NTMT2: variants seen among roughly 807,000 people sequenced by gnomAD.
NTMT2 encodes the protein N-terminal Xaa-Pro-Lys N-methyltransferase 2, also known as X-Pro-Lys N-terminal protein methyltransferase 1B.
Under a neutral mutation model 23.4 loss-of-function variants are expected in NTMT2, and 21 were observed. That is an observed-to-expected ratio of 0.90 (90% CI 0.64 to 1.29). NTMT2 has a LOEUF of 1.29. Ranked by LOEUF, NTMT2 falls within the 50% of genes most tolerant of loss-of-function variation. NTMT2 has a pLI of 0.00. For missense variants in NTMT2, 336 were observed against 352.0 expected (o/e 0.95, Z 0.36); for synonymous variants, 131 against 127.7 (o/e 1.03, Z -0.17).
At chr1:170,150,921 G>GT (rs1673056294) in intron 1 of NTMT2, among the ~76,000 whole-genome samples, 1 of 152,146 alleles carries the variant, frequency 6.6e-6, no homozygotes, top group Admixed American at 6.5e-5. Context: ...TCCATGTTTA[G>GT]TAACAATCAT....
intron 1 of NTMT2, among the ~76,000 whole-genome samples, chr1:170,150,285 T>C (rs1673043735): frequency 6.6e-6 from 1 of 152,206 alleles, no homozygotes; most frequent in African/African-American, 2.4e-5. Flanking sequence ...ATTCATGGAA[T>C]AGCAAAGACA....
chr1:170,159,855 T>C lies in NTMT2; in HGVS notation c.155-663T>C, dbSNP rs189801469. ...TATTCCTCAGAAGTTGGAACACATA[T>C]TTTTCTTATACATTTTTGAAAATAA... On this transcript the variant is annotated intron_variant, in intron 1 of 3. Coordinates refer to ENST00000439373, the MANE Select transcript of NTMT2 (RefSeq NM_001136107.2). 4.2e-3 allele frequency among the ~76,000 whole-genome samples: 643 copies of C among 152,378 alleles called. 1 individual carries two copies. Among genetic ancestry groups the C allele is most frequent in the Non-Finnish European group, 7.4e-3 (505 of 68,028 alleles).
chr1:170,168,249 A>AAG lies in NTMT2; in HGVS notation c.*493_*494insGA, dbSNP rs1553216913. ...CATTTGTCTACTCAAACAAAAAAAA[A>AAG]AAAAAGAAAAAGAAACAATGCCCAC... On this transcript the variant is annotated 3_prime_UTR_variant, in exon 4 of 4. Transcript: ENST00000439373. Among the ~76,000 whole-genome samples the AAG allele has an allele frequency of 6.6e-6, 1 of 151,400 alleles. No homozygotes were observed. The highest frequency in any genetic ancestry group is 6.6e-5 in the Admixed American group (1 of 15,202).
intron 1 of NTMT2, among the ~76,000 whole-genome samples, chr1:170,152,508 G>A (rs1479377618): frequency 6.6e-6 from 1 of 152,176 alleles, no homozygotes; most frequent in Non-Finnish European, 1.5e-5. Context: ...CTAGCCCTCA[G>A]TTGAAAAGAA....
In NTMT2 at chr1:170,149,422, G is replaced by T. The variant is rs537697547; in HGVS notation, c.154+3161G>T. Among the ~76,000 whole-genome samples, 584 of 152,240 alleles carry T rather than the reference G, an allele frequency of 3.8e-3. 2 individuals are homozygous for T. The highest frequency in any genetic ancestry group is 0.011 in the South Asian group (55 of 4,816). On this transcript the variant is annotated intron_variant, in intron 1 of 3. Transcript: ENST00000439373. ...TAAACTTTGGTTTTTGTCCCAGGAG[G>T]TTATAACTTATATTTATGGAATGCA...
chr1:170,147,961 A>G (rs1362408009), intron 1 of NTMT2, among the ~76,000 whole-genome samples: 1 of 152,116 alleles, frequency 6.6e-6, no homozygotes, highest in African/African-American at 2.4e-5. Flanking sequence ...CTAATGTTTT[A>G]CCAATGAGTT....
In NTMT2 at chr1:170,168,813, C is replaced by A. The variant is rs73023530; in HGVS notation, c.*1056C>A. ...AAGAAATGGACAAGGAAATGATAAC[C>A]CTGAAAATTGACTAGCTGGACATTG... On this transcript the variant is annotated 3_prime_UTR_variant, in exon 4 of 4. Transcript: ENST00000439373. Among the ~76,000 whole-genome samples, 11,953 of 152,106 alleles carry A rather than the reference C, an allele frequency of 0.079. 495 individuals are homozygous for A. Among genetic ancestry groups the A allele is most frequent in the Middle Eastern group, 0.12 (35 of 294 alleles).
intron 1 of NTMT2, among the ~76,000 whole-genome samples, chr1:170,156,187 A>G (rs1272219170): frequency 6.6e-6 from 1 of 152,150 alleles, no homozygotes; most frequent in East Asian, 1.9e-4. Flanking sequence ...TGCTACTTGC[A>G]GGCATCTGCT....
chr1:170,160,438 T>C, intron 1 of NTMT2, 80 bp from the exon 2 acceptor site: 2 of 1,241,236 alleles, frequency 1.6e-6, no homozygotes, highest in Non-Finnish European at 2.1e-6. Context: ...CACAGGCTTT[T>C]AAAAGGAAAT....
Position 170,146,583 on chromosome 1 carries a change from T to C in NTMT2, c.154+322T>C, listed in dbSNP as rs145905597. ...GTTTAATATTTACAAAAAATTGTAATTGGGCAAATTTGATAATTCAAAGAT... is the reference window on the plus strand; with the variant it reads ...GTTTAATATTTACAAAAAATTGTAACTGGGCAAATTTGATAATTCAAAGAT... On this transcript the variant is annotated intron_variant, in intron 1 of 3. Coordinates refer to ENST00000439373, the MANE Select transcript of NTMT2 (RefSeq NM_001136107.2). 4.7e-3 allele frequency among the ~76,000 whole-genome samples: 713 copies of C among 152,298 alleles called. 6 individuals are homozygous for C. Among genetic ancestry groups the C allele is most frequent in the African/African-American group, 0.016 (679 of 41,546 alleles).
At chr1:170,156,737 T>C (rs979232956) in intron 1 of NTMT2, among the ~76,000 whole-genome samples, 1 of 152,070 alleles carries the variant, frequency 6.6e-6, no homozygotes, top group African/African-American at 2.4e-5. Flanking sequence ...ATCTTTTTTT[T>C]TTTTAGTGAA....
chr1:170,146,697 A>C (rs991439731), intron 1 of NTMT2, among the ~76,000 whole-genome samples: 1 of 152,208 alleles, frequency 6.6e-6, no homozygotes, highest in Non-Finnish European at 1.5e-5. Context: ...TTATGTATGT[A>C]TGTTTCTGTG....
intron 1 of NTMT2, among the ~76,000 whole-genome samples, chr1:170,156,835 A>G (rs749822026): frequency 2.0e-5 from 3 of 152,018 alleles, no homozygotes; most frequent in Non-Finnish European, 4.4e-5. Flanking sequence ...TGAGATTGGC[A>G]TTCACTTGTG....
intron 2 of NTMT2, among the ~76,000 whole-genome samples, chr1:170,163,284 C>T (rs1461078656): frequency 1.3e-5 from 2 of 152,120 alleles, no homozygotes; most frequent in Non-Finnish European, 2.9e-5. Flanking sequence ...CTGTAATCTA[C>T]TAGATTAGTA....
At chr1:170,153,864 C>T (rs959900504) in intron 1 of NTMT2, among the ~76,000 whole-genome samples, 2 of 152,130 alleles carry the variant, frequency 1.3e-5, no homozygotes, top group African/African-American at 4.8e-5. Flanking sequence ...ATTTGCATGA[C>T]TAAAAGTGAG....
intron 1 of NTMT2, among the ~76,000 whole-genome samples, chr1:170,156,895 T>A (rs768022686): frequency 6.6e-6 from 1 of 151,938 alleles, no homozygotes; most frequent in African/African-American, 2.4e-5. Context: ...AGATTAAGGG[T>A]TTTAATAGAC....
In NTMT2 at chr1:170,167,659, A is replaced by T; in HGVS notation, c.754A>T (p.Ser252Cys). 4 of 1,551,650 alleles carry T rather than the reference A, an allele frequency of 2.6e-6. No individual in the cohort carries two copies. Among genetic ancestry groups the T allele is most frequent in the Non-Finnish European group, 3.5e-6 (4 of 1,146,980 alleles). The change falls in exon 4 of 4, where the codon AGT (serine) becomes TGT (cysteine). Residue 252 changes from serine (S) to cysteine (C), a missense_variant. Ser to Cys is a moderately radical substitution (Grantham distance 112). Coordinates refer to ENST00000439373, the MANE Select transcript of NTMT2 (RefSeq NM_001136107.2). ...MDILRSLIRK[S>C]GLVVLGQEKQ... ...CATCCTCCGGAGCCTAATAAGGAAG[A>T]GTGGGCTGGTGGTGCTGGGCCAGGA...
intron 2 of NTMT2, among the ~76,000 whole-genome samples, chr1:170,161,171 C>T (rs982558572): frequency 5.3e-5 from 8 of 151,794 alleles, no homozygotes; most frequent in South Asian, 2.1e-4. Context: ...TGGTGGCGGG[C>T]GCCTGTAGTC....
chr1:170,166,395 C>A, intron 2 of NTMT2, 107 bp from the exon 3 acceptor site: 2 of 1,212,054 alleles, frequency 1.7e-6, no homozygotes, highest in South Asian at 1.5e-5. Flanking sequence ...CCCGCCTCGG[C>A]CTCCCAAAGT....
Sources: allele counts gnomAD v4.1 joint callset (sites outside exome capture counted in the v4.1 genomes callset), GRCh38; gene constraint gnomAD v4.1.1; transcripts MANE v1.5; gene names NCBI Gene and HGNC (gene_info 2026-07-23, HGNC 2026-07-21).